NCKAP1L: variants seen among roughly 807,000 people sequenced by gnomAD.
NCKAP1L encodes the protein NCK associated protein 1 like.
In NCKAP1L, 53 loss-of-function variants were observed where a neutral mutation model predicts 139.2. The observed-to-expected ratio is 0.38, with a 90% confidence interval of 0.31 to 0.48. The LOEUF is 0.48. Among genes scored for constraint, NCKAP1L ranks in the 20% least tolerant of loss-of-function variants. The pLI, the probability that NCKAP1L is intolerant of heterozygous loss-of-function variation, is 0.98. For synonymous variants in NCKAP1L, 468 were observed against 499.7 expected (o/e 0.94, Z 0.85); for missense variants, 1,151 against 1,381.9 (o/e 0.83, Z 2.65).
At chr12:54,540,257 T>C (rs1957146522) in intron 30 of NCKAP1L, among the ~76,000 whole-genome samples, 1 of 152,238 alleles carries the variant, frequency 6.6e-6, no homozygotes, top group Non-Finnish European at 1.5e-5. Context: ...CCTCCAGGTC[T>C]CCTTCTTGAA....
intron 18 of NCKAP1L, among the ~76,000 whole-genome samples, chr12:54,522,264 A>G (rs1318873101): frequency 6.6e-6 from 1 of 152,258 alleles, no homozygotes; most frequent in Non-Finnish European, 1.5e-5. Flanking sequence ...AGGTATATTC[A>G]TTACTCAATA....
intron 30 of NCKAP1L, among the ~76,000 whole-genome samples, chr12:54,539,208 C>G (rs113216887): frequency 1.3e-5 from 2 of 152,244 alleles, no homozygotes; most frequent in African/African-American, 4.8e-5. Context: ...CTTCCTGGCC[C>G]CTAAGCTGGC....
At chr12:54,507,081 A>G (rs1229604626) in intron 3 of NCKAP1L, among the ~76,000 whole-genome samples, 1 of 151,684 alleles carries the variant, frequency 6.6e-6, no homozygotes, top group Non-Finnish European at 1.5e-5. Flanking sequence ...AACACAAATA[A>G]TGACCAAAAA....
At chr12:54,517,723 A>G in intron 12 of NCKAP1L, 81 bp downstream of exon 12, 1 of 1,597,136 alleles carries the variant, frequency 6.3e-7, no homozygotes, top group Non-Finnish European at 8.6e-7. Context: ...AGGAGGTCTC[A>G]ATTTCTGCCC....
At chr12:54,512,184 T>G in intron 9 of NCKAP1L, 79 bp downstream of exon 9, 1 of 1,450,770 alleles carries the variant, frequency 6.9e-7, no homozygotes, top group East Asian at 2.3e-5. Context: ...TCTCCACAAG[T>G]GTTCCCAGAT....
At chr12:54,506,091 G>T (rs1393386974) in intron 3 of NCKAP1L, among the ~76,000 whole-genome samples, 1 of 152,202 alleles carries the variant, frequency 6.6e-6, no homozygotes, top group African/African-American at 2.4e-5. Flanking sequence ...AAACTTTCAA[G>T]TACAAATCTT....
At chr12:54,509,596 C>G (rs1408901322) in intron 5 of NCKAP1L, 73 bp from the exon 6 acceptor site, 1 of 1,019,548 alleles carries the variant, frequency 9.8e-7, no homozygotes, top group Non-Finnish European at 1.6e-6. Context: ...ATATCTTTAT[C>G]CTATATGCAA....
chr12:54,523,965 C>A lies in NCKAP1L; in HGVS notation c.2156+9C>A. ...GAGGCCAGACTCAACAGGTATCACT[C>A]TTTCCTTGTCCTCTGTTTGGACAGT... is the stretch of plus-strand genomic sequence containing the variant. On this transcript the variant is annotated intron_variant, in intron 20 of 30. Coordinates refer to ENST00000293373, the MANE Select transcript of NCKAP1L (RefSeq NM_005337.5). The A allele has an allele frequency of 6.2e-7, 1 of 1,612,300 alleles. No homozygotes were observed. The highest frequency in any genetic ancestry group is 8.5e-7 in the Non-Finnish European group (1 of 1,179,130).
At chr12:54,534,813 T>A (rs118181983) in intron 26 of NCKAP1L, among the ~76,000 whole-genome samples, 5,914 of 152,170 alleles carry the variant, frequency 0.039, 191 homozygotes, top group African/African-American at 0.085. Flanking sequence ...AGGGAATATA[T>A]AGAGAAGATG....
At chr12:54,522,891 A>G (rs535278361) in intron 18 of NCKAP1L, among the ~76,000 whole-genome samples, 16 of 152,302 alleles carry the variant, frequency 1.1e-4, no homozygotes, top group Admixed American at 8.5e-4. Flanking sequence ...AAAAAAGTGG[A>G]AAGACAATGC....
rs1366921277 is a variant in NCKAP1L at position 54,545,591 on chromosome 12, A to C, written c.*2906A>C. On this transcript the variant is annotated 3_prime_UTR_variant, in exon 31 of 31. Transcript: ENST00000293373. ...GCATTTCAGGCAATTTGCTTCCTTT[A>C]CCAGGAGGGTCTCTGTCCTCTTACA... is the stretch of plus-strand genomic sequence containing the variant. The C allele has an allele frequency of 6.6e-6, 1 of 152,226 alleles. No homozygotes were observed. Among genetic ancestry groups the C allele is most frequent in the Non-Finnish European group, 1.5e-5 (1 of 68,040 alleles). The allele number at this position is 152,226 out of a possible 1,614,324, so 9.4% of individuals were successfully genotyped here.
At chr12:54,516,341 T>C (rs1956931270) in intron 10 of NCKAP1L, 46 bp downstream of exon 10, 1 of 1,575,070 alleles carries the variant, frequency 6.3e-7, no homozygotes. Context: ...GGAATAGGAA[T>C]CTCTTCTCAC....
At position 54,508,372 on chromosome 12, in the gene NCKAP1L, A is replaced by G. The variant is rs1029662251; in HGVS notation, c.364-17A>G. ...TTGGCCATGCTGTCCTTGGGTTCCT[A>G]TGTATTTTCCTTGTAGAATCTCAAC... On this transcript the variant is annotated splice_polypyrimidine_tract_variant and intron_variant, in intron 4 of 30. Coordinates refer to ENST00000293373, the MANE Select transcript of NCKAP1L (RefSeq NM_005337.5). 2.2e-5 allele frequency: 36 copies of G among 1,613,754 alleles called. No individual in the cohort carries two copies. The highest frequency in any genetic ancestry group is 2.7e-5 in the Non-Finnish European group (32 of 1,179,822).
intron 9 of NCKAP1L, among the ~76,000 whole-genome samples, chr12:54,515,846 C>A (rs1308481803): frequency 6.6e-6 from 1 of 152,136 alleles, no homozygotes; most frequent in Non-Finnish European, 1.5e-5. Context: ...TACTTGAGAG[C>A]AGGGCCTGTG....
chr12:54,530,518 G>T (rs1957059746), intron 22 of NCKAP1L, among the ~76,000 whole-genome samples: 1 of 152,186 alleles, frequency 6.6e-6, no homozygotes, highest in South Asian at 2.1e-4. Flanking sequence ...CTCAAGGAGA[G>T]GAAAATTTGG....
rs1555173107 is a variant in NCKAP1L at position 54,547,495 on chromosome 12, T to TGTGC, written c.*4813_*4814insCGTG. On this transcript the variant is annotated 3_prime_UTR_variant, in exon 31 of 31. Transcript: ENST00000293373. The stretch of plus-strand genomic sequence containing the variant: ...TGTCTCTTTCACGAATAACTTTGTG[T>TGTGC]GTGTGTGCGTGTGTGTGTGTGTGTG... 6 of 103,576 alleles carry TGTGC rather than the reference T, an allele frequency of 5.8e-5. No homozygotes were observed. Among genetic ancestry groups the TGTGC allele is most frequent in the Non-Finnish European group, 1.2e-4 (6 of 49,654 alleles). The allele number at this position is 103,576 out of a possible 1,614,324, so 6.4% of individuals were successfully genotyped here.
rs117343124 is a variant in NCKAP1L, at chr12:54,508,361, C to T, written c.364-28C>T. The T allele has an allele frequency of 1.3e-3, 2,177 of 1,613,220 alleles. 2 individuals carry two copies. Among genetic ancestry groups the T allele is most frequent in the Non-Finnish European group, 1.6e-3 (1,935 of 1,179,366 alleles). On this transcript the variant is annotated intron_variant, in intron 4 of 30. Coordinates refer to ENST00000293373, the MANE Select transcript of NCKAP1L (RefSeq NM_005337.5). The stretch of plus-strand genomic sequence containing the variant: ...ATCCAGGTTAATTGGCCATGCTGTC[C>T]TTGGGTTCCTATGTATTTTCCTTGT...
At chr12:54,521,448 C>T (rs1956983213) in intron 18 of NCKAP1L, among the ~76,000 whole-genome samples, 1 of 152,160 alleles carries the variant, frequency 6.6e-6, no homozygotes, top group Non-Finnish European at 1.5e-5. Flanking sequence ...ATAGAAGTGT[C>T]TAAAAATACT....
intron 28 of NCKAP1L, 112 bp from the exon 29 acceptor site, chr12:54,536,832 A>G (rs1264509586): frequency 7.4e-6 from 5 of 673,520 alleles, no homozygotes; most frequent in South Asian, 5.3e-5. Context: ...TTGGTGTCAA[A>G]TACTGGTGGC....
Sources: gnomAD v4.1 joint callset for allele counts (sites outside exome capture counted in the v4.1 genomes callset) on GRCh38, gnomAD v4.1.1 for gene constraint, MANE v1.5 for transcripts, NCBI Gene and HGNC (gene_info 2026-07-23, HGNC 2026-07-21) for gene names.